Variants in PHF21B observed in about 807,000 individuals in gnomAD.
The protein encoded by PHF21B is PHD finger protein 21B, also known as PHD finger protein 4.
Under a neutral mutation model 62.2 loss-of-function variants are expected in PHF21B, and 22 were observed. That is an observed-to-expected ratio of 0.35 (90% confidence interval 0.25 to 0.51). The LOEUF is 0.51. PHF21B is among the 20% of genes least tolerant of loss of function. The pLI, the probability that PHF21B is intolerant of heterozygous loss-of-function variation, is 0.97. For synonymous variants in PHF21B, 341 were observed against 314.7 expected, an observed-to-expected ratio of 1.08 and a Z score of -0.88; for missense variants, 701 against 707.9, an observed-to-expected ratio of 0.99 and a Z score of 0.11.
At chr22:44,950,419 G>C (rs2072169894) in intron 2 of PHF21B, among the ~76,000 whole-genome samples, 1 of 152,192 alleles carries the variant, frequency 6.6e-6, no homozygotes, top group Admixed American at 6.5e-5. Context: ...GTTCACGACA[G>C]ATGTCCTTAG....
Position 44,897,735 on chromosome 22 carries a change from C to T in PHF21B, c.832-1652G>A, listed in dbSNP as rs865828575. ...TGGGAGTTCCTGTATACCCCACACCCAGTTCATCGCAACTAAAGAACCAAC... is the reference window on the plus strand; with the variant it reads ...TGGGAGTTCCTGTATACCCCACACCTAGTTCATCGCAACTAAAGAACCAAC... On this transcript the variant is annotated intron_variant, in intron 5 of 12. Coordinates refer to ENST00000313237, the MANE Select transcript of PHF21B (RefSeq NM_138415.5). Among the ~76,000 whole-genome samples the T allele has an allele frequency of 7.9e-5, 12 of 152,184 alleles. No individual in the cohort carries two copies. In the South Asian group the frequency reaches 2.5e-3, roughly 31 times the overall value.
intron 2 of PHF21B, among the ~76,000 whole-genome samples, chr22:44,933,322 G>A (rs1306155710): frequency 1.3e-5 from 2 of 152,108 alleles, no homozygotes; most frequent in Non-Finnish European, 2.9e-5. Context: ...TGTTGGTCAG[G>A]CTGGTCTCGA....
chr22:44,904,509 T>TTCCCTCGGCAGTCTG (rs1555934866), intron 5 of PHF21B, among the ~76,000 whole-genome samples: 7 of 142,872 alleles, frequency 4.9e-5, no homozygotes, highest in South Asian at 4.5e-4. Flanking sequence ...TAACTGAGCT[T>TTCCCTCGGCAGTCTG]CCAGAAGGAA....
chr22:44,987,233 G>A (rs1255381192), intron 2 of PHF21B, among the ~76,000 whole-genome samples: 2 of 152,222 alleles, frequency 1.3e-5, no homozygotes, highest in South Asian at 2.1e-4. Flanking sequence ...TAGTGGCAGA[G>A]GTAGGAAAAA....
chr22:44,972,200 C>T (rs1465529860), intron 2 of PHF21B, among the ~76,000 whole-genome samples: 2 of 152,262 alleles, frequency 1.3e-5, no homozygotes, highest in South Asian at 2.1e-4. Context: ...TCTTCATCAA[C>T]TTCTTACCAG....
chr22:44,911,318 G>A (rs996287550), intron 5 of PHF21B, among the ~76,000 whole-genome samples: 16 of 151,796 alleles, frequency 1.1e-4, no homozygotes, highest in African/African-American at 2.4e-4. Flanking sequence ...CATAAGTAAC[G>A]AGGAGTTACT....
intron 2 of PHF21B, among the ~76,000 whole-genome samples, chr22:44,969,924 T>C (rs2147445142): frequency 6.6e-6 from 1 of 152,338 alleles, no homozygotes; most frequent in South Asian, 2.1e-4. Context: ...TTGAACACTG[T>C]CTCGTTTTTC....
rs1222067258 is a variant in PHF21B at position 45,009,642 on chromosome 22, C to T, written c.-93G>A. 34 of 1,298,986 alleles carry T rather than the reference C, an allele frequency of 2.6e-5. No homozygotes were observed. The highest frequency in any genetic ancestry group is 3.2e-5 in the Non-Finnish European group (32 of 992,786). The allele number at this position is 1,298,986 out of a possible 1,614,324, so 80.5% of individuals were successfully genotyped here. ...GGGGGCCAGAGCGGGCGCGGGCGGA[C>T]GCGGCCTCCGGGCTGGGTTGGGGGG... On this transcript the variant is annotated 5_prime_UTR_variant, in exon 1 of 13. Transcript: ENST00000313237. The surrounding 1 kb of genome is among the most constrained non-coding windows in gnomAD (Gnocchi z 5.9).
At chr22:44,890,658 A>G (rs956166670) in intron 8 of PHF21B, among the ~76,000 whole-genome samples, 2 of 152,278 alleles carry the variant, frequency 1.3e-5, no homozygotes, top group Non-Finnish European at 2.9e-5. Flanking sequence ...GAGAACTGGC[A>G]GCTTCCTGCT....
chr22:45,002,544 G>A (rs982083550), intron 2 of PHF21B, among the ~76,000 whole-genome samples: 6 of 152,172 alleles, frequency 3.9e-5, no homozygotes, highest in East Asian at 3.9e-4. Context: ...CACCAGCCTC[G>A]CGCTCCCCAC....
chr22:44,978,549 G>T (rs778414819), intron 2 of PHF21B, among the ~76,000 whole-genome samples: 3 of 152,170 alleles, frequency 2.0e-5, no homozygotes, highest in Non-Finnish European at 2.9e-5. Flanking sequence ...CATAGAGACA[G>T]GGTTTCTCCA....
At chr22:44,894,920 T>TCCCTC (rs1333107462) in intron 6 of PHF21B, among the ~76,000 whole-genome samples, 4 of 152,096 alleles carry the variant, frequency 2.6e-5, no homozygotes, top group Non-Finnish European at 5.9e-5. Context: ...CTCAGCCAGG[T>TCCCTC]CCCTCCCCTC....
At chr22:44,977,564 CAAA>C (rs796689775) in intron 2 of PHF21B, among the ~76,000 whole-genome samples, 1 of 123,974 alleles carries the variant, frequency 8.1e-6, no homozygotes, top group Non-Finnish European at 1.8e-5. Flanking sequence ...GACTGTGTCT[CAAA>C]AAAAAAAAAA....
chr22:44,948,236 CCATAA>C (rs771234207), intron 2 of PHF21B, among the ~76,000 whole-genome samples: 7 of 152,190 alleles, frequency 4.6e-5, no homozygotes, highest in Non-Finnish European at 7.3e-5. Flanking sequence ...ACACGACTCA[CCATAA>C]CATAGCATAA....
chr22:44,949,047 A>C (rs1033159948), intron 2 of PHF21B, among the ~76,000 whole-genome samples: 2 of 152,328 alleles, frequency 1.3e-5, no homozygotes, highest in Admixed American at 6.5e-5. Flanking sequence ...TCACGCCTGT[A>C]ATCCCAGCAC....
intron 2 of PHF21B, among the ~76,000 whole-genome samples, chr22:44,937,639 G>T (rs1569240325): frequency 2.0e-5 from 3 of 152,224 alleles, no homozygotes; most frequent in African/African-American, 7.2e-5. Flanking sequence ...TGAAAATTCG[G>T]AGCAGCTTTA....
chr22:45,009,563 G>C lies in PHF21B; in HGVS notation c.-14C>G. 6.4e-7 allele frequency: 1 copy of C among 1,566,058 alleles called. No individual in the cohort carries two copies. The highest frequency in any genetic ancestry group is 8.6e-7 in the Non-Finnish European group (1 of 1,166,368). On this transcript the variant is annotated 5_prime_UTR_variant, in exon 1 of 13. Coordinates refer to ENST00000313237, the MANE Select transcript of PHF21B (RefSeq NM_138415.5). This position sits in a 1 kb window ranked among gnomAD's most constrained non-coding sequence, Gnocchi z 5.9. ...CTGCAGCTCCATCCCGGCAACTTGG[G>C]CAGCACTTTGCGCTCACTTTGGCCC...
intron 2 of PHF21B, among the ~76,000 whole-genome samples, chr22:44,966,288 A>G (rs1180902597): frequency 1.3e-5 from 2 of 152,154 alleles, no homozygotes; most frequent in Non-Finnish European, 2.9e-5. Flanking sequence ...AGCTTCAAAA[A>G]ACCCGGAGTC....
At chr22:44,956,168 G>A (rs894810056) in intron 2 of PHF21B, among the ~76,000 whole-genome samples, 2 of 152,240 alleles carry the variant, frequency 1.3e-5, no homozygotes, top group Non-Finnish European at 2.9e-5. Flanking sequence ...CGTCCCACCA[G>A]GCTGGACTCA....
Sources: gnomAD v4.1 joint callset for allele counts (sites outside exome capture counted in the v4.1 genomes callset) on GRCh38, gnomAD v4.1.1 for gene constraint, Gnocchi (gnomAD v3.1) non-coding constraint, MANE v1.5 for transcripts, NCBI Gene and HGNC (gene_info 2026-07-23, HGNC 2026-07-21) for gene names.